EHBP1: variants seen among roughly 807,000 people sequenced by gnomAD.
The protein encoded by EHBP1 is EH domain binding protein 1, also known as EH domain-binding protein 1.
EHBP1 carries 55 observed loss-of-function variants against 144.0 expected under a neutral mutation model. The observed-to-expected ratio is 0.38, with a 90% confidence interval of 0.31 to 0.48. The LOEUF is 0.48. Ranked by LOEUF, EHBP1 falls within the 20% of genes least tolerant of loss-of-function variation. EHBP1 has a pLI of 0.98. For missense variants in EHBP1, 1,200 were observed against 1,364.2 expected, an observed-to-expected ratio of 0.88 and a Z score of 1.90; for synonymous variants, 469 against 472.7, an observed-to-expected ratio of 0.99 and a Z score of 0.10.
intron 13 of EHBP1, among the ~76,000 whole-genome samples, chr2:62,951,933 G>C (rs2057415178): frequency 6.6e-6 from 1 of 152,276 alleles, no homozygotes; most frequent in Non-Finnish European, 1.5e-5. Flanking sequence ...CAGTAAGCCT[G>C]GAATCTCGTT....
intron 19 of EHBP1, among the ~76,000 whole-genome samples, chr2:63,027,821 G>T (rs1333498455): frequency 2.0e-5 from 3 of 152,318 alleles, no homozygotes; most frequent in Admixed American, 2.0e-4. Context: ...GGAGGTAGGG[G>T]TAAGGTCAGG....
chr2:62,752,338 G>T (rs2039821597), intron 3 of EHBP1, among the ~76,000 whole-genome samples: 1 of 152,200 alleles, frequency 6.6e-6, no homozygotes, highest in Admixed American at 6.5e-5. Flanking sequence ...TTGCACTGTG[G>T]TCTGAGAGAC....
chr2:62,775,970 A>G (rs892083489), intron 5 of EHBP1, among the ~76,000 whole-genome samples: 1 of 152,222 alleles, frequency 6.6e-6, no homozygotes, highest in Non-Finnish European at 1.5e-5. Flanking sequence ...GCTTTTAATC[A>G]GTCTTCTGTA....
intron 7 of EHBP1, among the ~76,000 whole-genome samples, chr2:62,850,121 A>G (rs1390143562): frequency 6.6e-6 from 1 of 152,170 alleles, no homozygotes; most frequent in Non-Finnish European, 1.5e-5. Flanking sequence ...AGAGGCAATC[A>G]CATATTTATG....
At chr2:62,807,387 A>G (rs746809384) in intron 5 of EHBP1, among the ~76,000 whole-genome samples, 13 of 152,046 alleles carry the variant, frequency 8.6e-5, no homozygotes, top group Non-Finnish European at 1.6e-4. Context: ...CATCTCTACT[A>G]AAAATACAAA....
intron 7 of EHBP1, among the ~76,000 whole-genome samples, chr2:62,851,667 T>G (rs551795800): frequency 6.6e-6 from 1 of 152,220 alleles, no homozygotes; most frequent in Non-Finnish European, 1.5e-5. Flanking sequence ...AGTGGTTTTT[T>G]TTGGACATTG....
intron 19 of EHBP1, among the ~76,000 whole-genome samples, chr2:63,001,112 A>G (rs2059832142): frequency 6.6e-6 from 1 of 152,120 alleles, no homozygotes; most frequent in Non-Finnish European, 1.5e-5. Flanking sequence ...TCCATTCCCA[A>G]TCTGTTTTCT....
chr2:62,993,931 C>A lies in EHBP1; in HGVS notation c.2933C>A (p.Ala978Glu). Reference sequence around the variant, plus strand: ...AAGAAAGGAAATGAGGAGAAGGCAGCGATAACTGAAACTCAGAGGAAGCCA... The same window carrying A: ...AAGAAAGGAAATGAGGAGAAGGCAGAGATAACTGAAACTCAGAGGAAGCCA... ...DTKKGNEEKA[A>E]ITETQRKPSE... The change falls in exon 18 of 23, where the codon GCG becomes GAG. Residue 978 changes from alanine (A) to glutamate (E), a missense_variant. Physicochemically the swap from Ala to Glu is moderately radical, Grantham distance 107 (BLOSUM62 -1). Coordinates refer to ENST00000431489, the MANE Select transcript of EHBP1 (RefSeq NM_001142616.3). 6.3e-7 allele frequency: 1 copy of A among 1,588,456 alleles called. No individual in the cohort carries two copies. Among genetic ancestry groups the A allele is most frequent in the Non-Finnish European group, 8.6e-7 (1 of 1,165,288 alleles).
At chr2:62,997,428 ATGTGTGTGTG>A (rs70962800) in intron 19 of EHBP1, among the ~76,000 whole-genome samples, 26 of 90,620 alleles carry the variant, frequency 2.9e-4, no homozygotes, top group Non-Finnish European at 3.2e-4. Context: ...AAAGGAACTC[ATGTGTGTGTG>A]TGTGTGTGTG....
At chr2:62,995,620 G>A (rs1039914589) in intron 18 of EHBP1, among the ~76,000 whole-genome samples, 1 of 152,060 alleles carries the variant, frequency 6.6e-6, no homozygotes, top group African/African-American at 2.4e-5. Context: ...AATAAATAAT[G>A]TTATAAGTGC....
intron 19 of EHBP1, among the ~76,000 whole-genome samples, chr2:63,009,427 A>G (rs1225001301): frequency 6.6e-6 from 1 of 151,650 alleles, no homozygotes; most frequent in Non-Finnish European, 1.5e-5. Flanking sequence ...TGCTGAGAAG[A>G]AAAAGGAAGG....
intron 1 of EHBP1, among the ~76,000 whole-genome samples, chr2:62,694,160 G>C (rs1160729126): frequency 6.6e-6 from 1 of 152,016 alleles, no homozygotes; most frequent in African/African-American, 2.4e-5. Context: ...GCAAGTCATG[G>C]GTATCACTCC....
In EHBP1 at chr2:62,993,920, G is replaced by A; in HGVS notation, c.2922G>A (p.Glu974=). Residue 974 remains glutamate (E), a synonymous_variant, in exon 18 of 23, where the codon GAG becomes GAA. Transcript: ENST00000431489. ...AGGAAGATACAAAGAAAGGAAATGA[G>A]GAGAAGGCAGCGATAACTGAAACTC... The part of the protein sequence containing the change: ...SIQEDTKKGN[E]EKAAITETQR... 2.5e-6 allele frequency: 4 copies of A among 1,593,940 alleles called. No individual in the cohort carries two copies. The highest frequency in any genetic ancestry group is 3.4e-6 in the Non-Finnish European group (4 of 1,168,472).
chr2:62,842,045 G>A (rs1387436982), intron 7 of EHBP1, among the ~76,000 whole-genome samples: 1 of 152,040 alleles, frequency 6.6e-6, no homozygotes, highest in East Asian at 1.9e-4. Flanking sequence ...TGAAGGAACA[G>A]CAAAGAAAAG....
intron 3 of EHBP1, among the ~76,000 whole-genome samples, chr2:62,753,918 C>T (rs1172290500): frequency 2.0e-5 from 3 of 152,168 alleles, no homozygotes; most frequent in Non-Finnish European, 4.4e-5. Context: ...AAGTTTTTAG[C>T]TCCTTTGCGA....
chr2:62,993,786 A>G (rs1426631879), intron 17 of EHBP1, 85 bp from the exon 18 acceptor site: 18 of 1,047,120 alleles, frequency 1.7e-5, no homozygotes, highest in Non-Finnish European at 2.4e-5. Flanking sequence ...ATATGTATAT[A>G]ATCTGGTAAT....
chr2:63,030,588 C>T (rs1309562329), intron 19 of EHBP1, among the ~76,000 whole-genome samples: 3 of 151,194 alleles, frequency 2.0e-5, no homozygotes, highest in Non-Finnish European at 4.4e-5. Context: ...CCCAGGTTCA[C>T]GCCATTCTCC....
At chr2:62,705,694 A>G (rs1304223602), upstream of EHBP1, 3 of 148,762 alleles carry the variant, frequency 2.0e-5, no homozygotes, top group East Asian at 6.0e-4. Flanking sequence ...GTGGAGGTTG[A>G]GCTGCCGTGG....
chr2:62,717,625 T>G (rs995430944), intron 2 of EHBP1, among the ~76,000 whole-genome samples: 6 of 152,246 alleles, frequency 3.9e-5, no homozygotes, highest in African/African-American at 1.2e-4. Flanking sequence ...CTGCTGATTT[T>G]CTTTAGTAAG....
Sources: gnomAD v4.1 joint callset for allele counts (sites outside exome capture counted in the v4.1 genomes callset) on GRCh38, gnomAD v4.1.1 for gene constraint, MANE v1.5 for transcripts, NCBI Gene and HGNC (gene_info 2026-07-23, HGNC 2026-07-21) for gene names.